Variants in KIF13A observed in about 807,000 individuals in gnomAD.
KIF13A encodes the protein kinesin-like protein KIF13A.
KIF13A carries 79 observed loss-of-function variants against 212.2 expected under a neutral mutation model. The observed-to-expected ratio is 0.37, with a 90% CI of 0.31 to 0.45. The LOEUF is 0.45. Ranked by LOEUF, KIF13A falls within the 20% of genes least tolerant of loss-of-function variation. The pLI is 1.00. For synonymous variants in KIF13A, 789 were observed against 808.6 expected, an observed-to-expected ratio of 0.98 and a Z score of 0.41; for missense variants, 1,901 against 2,209.0, an observed-to-expected ratio of 0.86 and a Z score of 2.79.
rs1297031331 is a variant in KIF13A at position 17,774,271 on chromosome 6, T to C, written c.4219-688A>G. On this transcript the variant is annotated intron_variant, in intron 35 of 38. Transcript: ENST00000259711. ...TATATAATATGTATTCAAGAAATATTTGTTGAATAAGATCATGTTGCAATC... is the reference window on the plus strand; with the variant it reads ...TATATAATATGTATTCAAGAAATATCTGTTGAATAAGATCATGTTGCAATC... 2.0e-5 allele frequency among the ~76,000 whole-genome samples: 3 copies of C among 152,176 alleles called. No individual in the cohort carries two copies. The East Asian group carries it at 5.8e-4, about 29-fold the overall frequency.
chr6:17,895,332 T>C lies in KIF13A; in HGVS notation c.159+2836A>G, dbSNP rs931436193. 6.6e-6 allele frequency among the ~76,000 whole-genome samples: 1 copy of C among 152,254 alleles called. No individual in the cohort carries two copies. The highest frequency in any genetic ancestry group is 2.4e-5 in the African/African-American group (1 of 41,470). On this transcript the variant is annotated intron_variant, in intron 3 of 38. Coordinates refer to ENST00000259711, the MANE Select transcript of KIF13A (RefSeq NM_022113.6). The surrounding 1 kb of genome is among the most constrained non-coding windows in gnomAD (Gnocchi z 4.4). ...ATCTTGTCATGTACCTCCTTAACTT[T>C]GATGGTGTATTGGACATTGTATTTT...
At chr6:17,788,461 T>C (rs1469897665) in intron 26 of KIF13A, among the ~76,000 whole-genome samples, 1 of 152,132 alleles carries the variant, frequency 6.6e-6, no homozygotes, top group African/African-American at 2.4e-5. Context: ...AGAAATCCCC[T>C]AGGCAGCCAT....
downstream of KIF13A, chr6:17,759,149 T>C (rs567316638): frequency 1.3e-5 from 2 of 152,278 alleles, no homozygotes; most frequent in African/African-American, 4.8e-5. Flanking sequence ...AATGCTGATA[T>C]TATTATTTTT....
At chr6:17,953,678 C>A in intron 2 of KIF13A, 2 of 168,870 alleles carry the variant, frequency 1.2e-5, no homozygotes, top group South Asian at 2.7e-4. Context: ...AGACAAGCAC[C>A]GAGCCCATCT....
intron 3 of KIF13A, among the ~76,000 whole-genome samples, chr6:17,890,048 C>T (rs1301514087): frequency 6.6e-6 from 1 of 151,780 alleles, no homozygotes; most frequent in Admixed American, 6.6e-5. Context: ...ATTAGCCAGG[C>T]GTGGTGACAC....
rs186859026 is a variant in KIF13A at position 17,886,490 on chromosome 6, T to C, written c.159+11678A>G. Among the ~76,000 whole-genome samples, 509 of 152,294 alleles carry C rather than the reference T, an allele frequency of 3.3e-3. 6 individuals carry two copies. Among genetic ancestry groups the C allele is most frequent in the African/African-American group, 0.011 (467 of 41,560 alleles). On this transcript the variant is annotated intron_variant, in intron 3 of 38. Transcript: ENST00000259711. This position sits in a 1 kb window ranked among gnomAD's most constrained non-coding sequence, Gnocchi z 5.6. ...AGAGACTCCCTGGTCCAGAAGGCTT[T>C]CACTATTCTAGACAGGGAGATGGAT... is the stretch of plus-strand genomic sequence containing the variant.
intron 2 of KIF13A, among the ~76,000 whole-genome samples, chr6:17,909,898 G>A (rs934635449): frequency 2.0e-5 from 3 of 152,048 alleles, no homozygotes; most frequent in Non-Finnish European, 4.4e-5. Flanking sequence ...CAAAAAAAGA[G>A]AGAGAGAGTG....
intron 12 of KIF13A, among the ~76,000 whole-genome samples, chr6:17,833,490 T>C (rs1181299311): frequency 1.7e-5 from 2 of 119,056 alleles, no homozygotes; most frequent in African/African-American, 3.1e-5. Context: ...GAGGGAGACC[T>C]TGTCTTCAAA....
intron 2 of KIF13A, among the ~76,000 whole-genome samples, chr6:17,952,261 G>A (rs931605618): frequency 4.1e-5 from 6 of 147,038 alleles, no homozygotes; most frequent in African/African-American, 1.3e-4. Context: ...CCGAGATAGC[G>A]CCACTGCACT....
In KIF13A at chr6:17,816,383, TG is replaced by T. The variant is rs1360061557; in HGVS notation, c.2000+636del. ...CATGCCTGGCTAATTTTTTATTTTT[TG>T]TAGAGACAAGGTCTCGTTATGTTGC... On this transcript the variant is annotated intron_variant, in intron 17 of 38. Transcript: ENST00000259711. The surrounding 1 kb of genome is among the most constrained non-coding windows in gnomAD (Gnocchi z 4.3). Among the ~76,000 whole-genome samples the T allele has an allele frequency of 1.3e-5, 2 of 151,298 alleles. No individual in the cohort carries two copies. Among genetic ancestry groups the T allele is most frequent in the Admixed American group, 6.6e-5 (1 of 15,234 alleles).
intron 2 of KIF13A, chr6:17,953,577 A>C (rs567164471): frequency 6.6e-6 from 1 of 152,444 alleles, no homozygotes; most frequent in Admixed American, 6.5e-5. Flanking sequence ...GCATGGCCGA[A>C]GAAGGCACTG....
rs1415583790 is a variant in KIF13A at position 17,826,912 on chromosome 6, T to A, written c.1533-788A>T. 2.6e-5 allele frequency among the ~76,000 whole-genome samples: 4 copies of A among 151,936 alleles called. No homozygotes were observed. Among genetic ancestry groups the A allele is most frequent in the African/African-American group, 7.3e-5 (3 of 41,374 alleles). ...TCTGGAATCTACTTTAAAATAATTT[T>A]TTTTTCTGGGCATGGTGGTGGGCGC... On this transcript the variant is annotated intron_variant, in intron 14 of 38. Transcript: ENST00000259711. The surrounding 1 kb of genome is among the most constrained non-coding windows in gnomAD (Gnocchi z 4.7).
chr6:17,905,168 ATTAGTG>A (rs1773387981), intron 2 of KIF13A, among the ~76,000 whole-genome samples: 1 of 152,340 alleles, frequency 6.6e-6, no homozygotes, highest in East Asian at 1.9e-4. Flanking sequence ...TATCATTAGT[ATTAGTG>A]TATTTTGTGT....
rs764845569 is a variant in KIF13A, at chr6:17,777,390, T to C, written c.4093-36A>G. The stretch of plus-strand genomic sequence containing the variant: ...AATAATTTGAAAATAACACTTTTTT[T>C]TTTTTTCCCCAGAGACAGAGTCTCA... On this transcript the variant is annotated intron_variant, in intron 33 of 38. Transcript: ENST00000259711. This position sits in a 1 kb window ranked among gnomAD's most constrained non-coding sequence, Gnocchi z 4.4. 1 of 1,532,744 alleles carries C rather than the reference T, an allele frequency of 6.5e-7. No homozygotes were observed. The highest frequency in any genetic ancestry group is 8.9e-7 in the Non-Finnish European group (1 of 1,122,970). 94.9% of individuals were successfully genotyped at this position (1,532,744 alleles called of 1,614,324 possible).
rs150037174 is a variant in KIF13A, at chr6:17,800,193, C to T, written c.2455-80G>A. 3,213 of 1,373,110 alleles carry T rather than the reference C, an allele frequency of 2.3e-3. 10 individuals are homozygous for T. The highest frequency in any genetic ancestry group is 3.7e-3 in the Middle Eastern group (16 of 4,356). The allele number at this position is 1,373,110 out of a possible 1,614,324, so 85.1% of individuals were successfully genotyped here. On this transcript the variant is annotated intron_variant, in intron 20 of 38. Transcript: ENST00000259711. Reference sequence around the variant, plus strand: ...CGACCCAAGACAGACGTGCCTTCTACAGTGAACCTGGAGAGGGGCTCTGCA... The same window carrying T: ...CGACCCAAGACAGACGTGCCTTCTATAGTGAACCTGGAGAGGGGCTCTGCA...
intron 33 of KIF13A, among the ~76,000 whole-genome samples, chr6:17,778,292 C>T (rs986841325): frequency 3.9e-5 from 6 of 152,130 alleles, no homozygotes; most frequent in Non-Finnish European, 7.4e-5. Flanking sequence ...AAGTGTGATG[C>T]TGTTTGTATT....
At chr6:17,804,886 C>G (rs12213755) in intron 19 of KIF13A, among the ~76,000 whole-genome samples, 42,622 of 137,852 alleles carry the variant, frequency 0.31, 6,309 homozygotes, top group South Asian at 0.45. Context: ...GGGGAGCTAA[C>G]TAATGCCTGT....
Position 17,781,197 on chromosome 6 carries a change from T to C in KIF13A, c.3649A>G (p.Ile1217Val), listed in dbSNP as rs34296471. 95 of 1,613,960 alleles carry C rather than the reference T, an allele frequency of 5.9e-5. No homozygotes were observed. The African/African-American group carries it at 1.2e-3, about 20-fold the overall frequency. ...HGSQFFYLPI[I>V]KHSDDEVSAT... ...ATTACCTCATCATCACTGTGCTTTATGATGGGCAGGTAGAAAAACTGGCTG... is the reference window on the plus strand; with the variant it reads ...ATTACCTCATCATCACTGTGCTTTACGATGGGCAGGTAGAAAAACTGGCTG... Residue 1217 changes from isoleucine to valine, a missense_variant, in exon 30 of 39, where the codon ATA becomes GTA. By Grantham distance (29) the Ile-to-Val change is conservative. Around this residue, in one of 5 missense-constraint regions of KIF13A, gnomAD observed 687 missense variants for 759.1 expected, o/e 0.90. Coordinates refer to ENST00000259711, the MANE Select transcript of KIF13A (RefSeq NM_022113.6).
At position 17,900,528 on chromosome 6, in the gene KIF13A, G is replaced by A. The variant is rs1772955997; in HGVS notation, c.147-2348C>T. 6.6e-6 allele frequency among the ~76,000 whole-genome samples: 1 copy of A among 152,116 alleles called. No homozygotes were observed. The highest frequency in any genetic ancestry group is 2.4e-5 in the African/African-American group (1 of 41,386). On this transcript the variant is annotated intron_variant, in intron 2 of 38. Transcript: ENST00000259711. This position sits in a 1 kb window ranked among gnomAD's most constrained non-coding sequence, Gnocchi z 4.6. ...TGCTTGTTAAGAACAAATTGAGACT[G>A]CGAAGAAAAGAAAAAAGGGAAGCCA...
Sources: gnomAD v4.1 joint callset for allele counts (sites outside exome capture counted in the v4.1 genomes callset) on GRCh38, gnomAD v4.1.1 for gene constraint, gnomAD v4.1.1 regional missense constraint, Gnocchi (gnomAD v3.1) non-coding constraint, MANE v1.5 for transcripts, NCBI Gene and HGNC (gene_info 2026-07-23, HGNC 2026-07-21) for gene names.